NRXN3: variants seen among roughly 807,000 people sequenced by gnomAD.
NRXN3 encodes neurexin 3.
NRXN3 carries 32 observed loss-of-function variants against 137.6 expected under a neutral mutation model. The ratio of observed to expected loss-of-function variants is 0.23; its 90% CI spans 0.18 to 0.31. The LOEUF is 0.31. NRXN3 is among the 10% of genes least tolerant of loss of function. The probability of loss-of-function intolerance (pLI) is 1.00; values close to 1 mark genes in which losing one functional copy is unlikely to be tolerated. For missense variants in NRXN3, 1,574 were observed against 2,062.5 expected (o/e 0.76, Z 4.59); for synonymous variants, 798 against 784.5 (o/e 1.02, Z -0.29).
chr14:78,888,175 C>T (rs907754500), intron 10 of NRXN3, among the ~76,000 whole-genome samples: 1 of 151,976 alleles, frequency 6.6e-6, no homozygotes, highest in Non-Finnish European at 1.5e-5. Context: ...ATATTGGAGG[C>T]CTTCAGGCTT....
At chr14:79,207,664 G>A (rs942085744) in intron 15 of NRXN3, among the ~76,000 whole-genome samples, 2 of 152,080 alleles carry the variant, frequency 1.3e-5, no homozygotes, top group African/African-American at 4.8e-5. Context: ...TTACTTCTTT[G>A]GCCCGTTCTT....
chr14:79,530,451 T>C (rs926308542), intron 16 of NRXN3, among the ~76,000 whole-genome samples: 2 of 152,128 alleles, frequency 1.3e-5, no homozygotes, highest in Non-Finnish European at 2.9e-5. Flanking sequence ...CAGGAGACTA[T>C]GAAAGATGCT....
At chr14:79,740,768 A>ATATATATATAT (rs2098960456) in intron 19 of NRXN3, among the ~76,000 whole-genome samples, 8 of 107,242 alleles carry the variant, frequency 7.5e-5, no homozygotes, top group South Asian at 2.8e-4. Flanking sequence ...ATATATATAT[A>ATATATATATAT]ACCTTACTTC....
chr14:78,834,487 G>C (rs150567649), intron 10 of NRXN3, among the ~76,000 whole-genome samples: 1 of 152,140 alleles, frequency 6.6e-6, no homozygotes, highest in African/African-American at 2.4e-5. Flanking sequence ...GCAAAAAGTT[G>C]CATTATTTTA....
At chr14:78,459,991 A>C (rs1057504718) in intron 4 of NRXN3, among the ~76,000 whole-genome samples, 1 of 152,244 alleles carries the variant, frequency 6.6e-6, no homozygotes, top group Non-Finnish European at 1.5e-5. Context: ...CCAACTGGCT[A>C]TAAATCGGGG....
chr14:79,150,118 A>G (rs963989061), intron 15 of NRXN3, among the ~76,000 whole-genome samples: 4 of 152,070 alleles, frequency 2.6e-5, no homozygotes, highest in African/African-American at 9.7e-5. Context: ...TTGCCCTTGC[A>G]TGTGGTTGAA....
chr14:78,282,135 C>T, intron 3 of NRXN3: 1 of 503,284 alleles, frequency 2.0e-6, no homozygotes, highest in Non-Finnish European at 4.0e-6. Flanking sequence ...TGTGGCCTGG[C>T]AGGGACCCCT....
intron 20 of NRXN3, among the ~76,000 whole-genome samples, chr14:79,835,269 C>T (rs1393474830): frequency 1.3e-5 from 2 of 152,078 alleles, no homozygotes; most frequent in Non-Finnish European, 2.9e-5. Flanking sequence ...CATTTCAAAA[C>T]ATTATGTTGC....
At chr14:79,457,304 T>A (rs1043634731) in intron 15 of NRXN3, among the ~76,000 whole-genome samples, 2 of 152,166 alleles carry the variant, frequency 1.3e-5, no homozygotes, top group Non-Finnish European at 2.9e-5. Context: ...CAAATAAACT[T>A]GAGGCAGATT....
At chr14:79,403,719 C>T (rs1243317310) in intron 15 of NRXN3, among the ~76,000 whole-genome samples, 4 of 152,020 alleles carry the variant, frequency 2.6e-5, no homozygotes, top group Admixed American at 6.6e-5. Flanking sequence ...AAATTTGACC[C>T]TTGCATGTGA....
intron 15 of NRXN3, among the ~76,000 whole-genome samples, chr14:79,308,335 A>G (rs1051827770): frequency 4.6e-5 from 7 of 152,024 alleles, no homozygotes; most frequent in African/African-American, 1.7e-4. Flanking sequence ...CAAGTTCCCA[A>G]AGCTATTGTG....
chr14:79,793,118 T>C (rs765477074), intron 19 of NRXN3, among the ~76,000 whole-genome samples: 1 of 152,050 alleles, frequency 6.6e-6, no homozygotes, highest in Non-Finnish European at 1.5e-5. Flanking sequence ...CTGGTACCTT[T>C]GAGAGAATAA....
At chr14:78,987,890 A>G (rs1236324154) in intron 14 of NRXN3, 132 bp from the exon 15 acceptor site, 15 of 968,398 alleles carry the variant, frequency 1.5e-5, no homozygotes, top group East Asian at 1.1e-4. Context: ...TGAGTTGACA[A>G]TTTTGGTGGT....
intron 16 of NRXN3, among the ~76,000 whole-genome samples, chr14:79,636,379 G>GT (rs2098403394): frequency 6.6e-6 from 1 of 152,182 alleles, no homozygotes; most frequent in African/African-American, 2.4e-5. Flanking sequence ...CACACAGACT[G>GT]TGAGTTCTTT....
intron 10 of NRXN3, among the ~76,000 whole-genome samples, chr14:78,815,355 C>T (rs1425144520): frequency 6.6e-6 from 1 of 151,848 alleles, no homozygotes; most frequent in East Asian, 1.9e-4. Flanking sequence ...TAGAGGTGCA[C>T]AGTAATCTCA....
At chr14:79,168,086 T>G (rs2061441991) in intron 15 of NRXN3, among the ~76,000 whole-genome samples, 1 of 152,016 alleles carries the variant, frequency 6.6e-6, no homozygotes, top group African/African-American at 2.4e-5. Flanking sequence ...CTTGTGAGTC[T>G]CTGACTGTAA....
chr14:79,421,174 G>A (rs367792725), intron 15 of NRXN3, among the ~76,000 whole-genome samples: 24 of 152,146 alleles, frequency 1.6e-4, no homozygotes, highest in African/African-American at 5.5e-4. Context: ...TTTAAGTTTG[G>A]GTGTAAAAAG....
chr14:79,461,088 C>A (rs2153603198), intron 15 of NRXN3, among the ~76,000 whole-genome samples: 1 of 152,250 alleles, frequency 6.6e-6, no homozygotes, highest in Non-Finnish European at 1.5e-5. Context: ...CTCTGTAATG[C>A]AGAGGCCTTG....
intron 15 of NRXN3, among the ~76,000 whole-genome samples, chr14:79,342,522 C>G (rs546138330): frequency 6.6e-6 from 1 of 151,732 alleles, no homozygotes; most frequent in East Asian, 1.9e-4. Context: ...CTTTGGCTTC[C>G]CAAGAAGAGG....
Sources: allele counts gnomAD v4.1 joint callset (sites outside exome capture counted in the v4.1 genomes callset), GRCh38; gene constraint gnomAD v4.1.1; transcripts MANE v1.5; gene names NCBI Gene and HGNC (gene_info 2026-07-23, HGNC 2026-07-21).